TAPBPL: variants seen among roughly 807,000 people sequenced by gnomAD.
The protein encoded by TAPBPL is tapasin-related protein.
A neutral mutation model predicts 44.8 loss-of-function variants in TAPBPL; 32 were observed. The observed-to-expected ratio is 0.71, with a 90% CI of 0.54 to 0.96. TAPBPL has a LOEUF of 0.96. Ranked by LOEUF, TAPBPL falls within the 40% of genes least tolerant of loss-of-function variation. The pLI is 0.00. For missense variants in TAPBPL, 520 were observed against 586.6 expected (o/e 0.89, Z 1.17); for synonymous variants, 230 against 240.7 (o/e 0.96, Z 0.41).
intron 6 of TAPBPL, chr12:6,461,335 T>A: frequency 9.7e-7 from 1 of 1,031,430 alleles, no homozygotes; most frequent in South Asian, 3.3e-5. Context: ...CAGGAAGAAG[T>A]GAGGGGACAA....
downstream of TAPBPL, chr12:6,465,389 T>C (rs1290410206): frequency 4.4e-5 from 3 of 68,114 alleles, no homozygotes; most frequent in African/African-American, 1.0e-4. Context: ...TATATATGTA[T>C]ATATATATAT....
In TAPBPL at chr12:6,462,162, T is replaced by G. The variant is rs774935900; in HGVS notation, c.*13T>G. On this transcript the variant is annotated 3_prime_UTR_variant, in exon 7 of 7. Coordinates refer to ENST00000266556, the MANE Select transcript of TAPBPL (RefSeq NM_018009.5). ...CCAGCCCAGCTGACCTAAAGCGACA[T>G]GAGACTACTAGAAAGAAACGACACC... The G allele has an allele frequency of 6.3e-7, 1 of 1,597,942 alleles. No homozygotes were observed. The highest frequency in any genetic ancestry group is 1.7e-5 in the Admixed American group (1 of 58,098).
At chr12:6,458,509 CCCG>C in intron 4 of TAPBPL, 133 bp from the exon 5 acceptor site, 1 of 1,066,582 alleles carries the variant, frequency 9.4e-7, no homozygotes, top group African/African-American at 1.6e-5. Context: ...CTCACACACC[CCCG>C]CCTTGGTACA....
In TAPBPL at chr12:6,462,171, T is replaced by C. The variant is rs1949887076; in HGVS notation, c.*22T>C. On this transcript the variant is annotated 3_prime_UTR_variant, in exon 7 of 7. Transcript: ENST00000266556. Reference sequence around the variant, plus strand: ...CTGACCTAAAGCGACATGAGACTACTAGAAAGAAACGACACCCTTCCCCAA... The same window carrying C: ...CTGACCTAAAGCGACATGAGACTACCAGAAAGAAACGACACCCTTCCCCAA... 3 of 1,579,134 alleles carry C rather than the reference T, an allele frequency of 1.9e-6. No homozygotes were observed. The highest frequency in any genetic ancestry group is 2.6e-6 in the Non-Finnish European group (3 of 1,157,320).
chr12:6,459,181 A>C (rs545131641), intron 5 of TAPBPL, among the ~76,000 whole-genome samples: 1 of 152,338 alleles, frequency 6.6e-6, no homozygotes, highest in Admixed American at 6.5e-5. Flanking sequence ...AATGTGCTTA[A>C]GGCTGGAGAT....
chr12:6,462,167 C>A lies in TAPBPL; in HGVS notation c.*18C>A. ...CCAGCTGACCTAAAGCGACATGAGA[C>A]TACTAGAAAGAAACGACACCCTTCC... is the stretch of plus-strand genomic sequence containing the variant. On this transcript the variant is annotated 3_prime_UTR_variant, in exon 7 of 7. Transcript: ENST00000266556. The A allele has an allele frequency of 3.9e-6, 6 of 1,551,932 alleles. No individual in the cohort carries two copies. The highest frequency in any genetic ancestry group is 5.3e-6 in the Non-Finnish European group (6 of 1,131,164).
At chr12:6,463,973 A>G, downstream of TAPBPL, 2 of 1,290,598 alleles carry the variant, frequency 1.5e-6, no homozygotes, top group African/African-American at 3.0e-5. The surrounding 1 kb of genome is among the most constrained non-coding windows in gnomAD (Gnocchi z 4.0). Flanking sequence ...CACCCCCAGG[A>G]CCCTCTTCAG....
rs1417113757 is a variant in TAPBPL, at chr12:6,453,418, C to T, written c.296-29C>T. 1.9e-6 allele frequency: 3 copies of T among 1,612,278 alleles called. No individual in the cohort carries two copies. The highest frequency in any genetic ancestry group is 8.5e-7 in the Non-Finnish European group (1 of 1,178,950). On this transcript the variant is annotated intron_variant, in intron 2 of 6. Transcript: ENST00000266556. This position sits in a 1 kb window ranked among gnomAD's most constrained non-coding sequence, Gnocchi z 4.8. ...GCCCTGGTGTTCTCACGCTAATTTG[C>T]CCTCTGTGTGTGCCCTGCTTCTCCC... is the stretch of plus-strand genomic sequence containing the variant.
chr12:6,467,520 G>A (rs1386487626), downstream of TAPBPL, among the ~76,000 whole-genome samples: 2 of 152,148 alleles, frequency 1.3e-5, no homozygotes, highest in African/African-American at 4.8e-5. Context: ...TTGAACTTGA[G>A]AGAGATAATT....
chr12:6,462,111 CATG>C lies in TAPBPL; in HGVS notation c.1371_1373del (p.His457_Glu458delinsGln), dbSNP rs1188155218. On this transcript the variant is annotated inframe_deletion, in exon 7 of 7. Transcript: ENST00000266556. ...TGCTGACACACAGAGCTCCCATCTCCATGAAGACCGCACAGCGCGTGTAAGCCA... is the reference window on the plus strand; with the variant it reads ...TGCTGACACACAGAGCTCCCATCTCCAAGACCGCACAGCGCGTGTAAGCCA... The C allele has an allele frequency of 6.2e-7, 1 of 1,610,252 alleles. No individual in the cohort carries two copies. Among genetic ancestry groups the C allele is most frequent in the Non-Finnish European group, 8.5e-7 (1 of 1,177,668 alleles).
chr12:6,456,124 TA>T (rs1345925343), intron 3 of TAPBPL, among the ~76,000 whole-genome samples: 3 of 97,872 alleles, frequency 3.1e-5, no homozygotes, highest in African/African-American at 7.6e-5. Flanking sequence ...CTTGTCCCAA[TA>T]TTTTTTTTTT....
intron 5 of TAPBPL, 80 bp from the exon 6 acceptor site, chr12:6,460,774 CT>C (rs780233174): frequency 2.7e-4 from 378 of 1,387,652 alleles, no homozygotes; most frequent in Admixed American, 6.4e-4. Flanking sequence ...CTCCTCCTCC[CT>C]GGGGTGGACA....
chr12:6,454,462 C>A (rs1036215330), intron 3 of TAPBPL, among the ~76,000 whole-genome samples: 1 of 152,056 alleles, frequency 6.6e-6, no homozygotes, highest in Non-Finnish European at 1.5e-5. Context: ...AGTGAGACAC[C>A]GTCTCAAAAA....
chr12:6,457,244 G>A (rs1477608931), intron 3 of TAPBPL, among the ~76,000 whole-genome samples, 162 bp from the exon 4 acceptor site: 1 of 152,172 alleles, frequency 6.6e-6, no homozygotes, highest in Non-Finnish European at 1.5e-5. Context: ...TACCTTTCCA[G>A]AGCCCCATTT....
At position 6,460,957 on chromosome 12, in the gene TAPBPL, T is replaced by TGGCTCTGGCTC; in HGVS notation, c.1291+19_1291+20insGGCTCTGGCTC. ...CGGCAAGGTAAGAGCCTGGGTGCCCTTGGCTCTGGCCCTGGCCCACCTCAC... is the reference window on the plus strand; with the variant it reads ...CGGCAAGGTAAGAGCCTGGGTGCCCTGGCTCTGGCTCTGGCTCTGGCCCTGGCCCACCTCAC... On this transcript the variant is annotated intron_variant, in intron 6 of 6. Transcript: ENST00000266556. The TGGCTCTGGCTC allele has an allele frequency of 6.2e-7, 1 of 1,613,854 alleles. No individual in the cohort carries two copies. The highest frequency in any genetic ancestry group is 8.5e-7 in the Non-Finnish European group (1 of 1,179,832).
downstream of TAPBPL, chr12:6,464,750 G>A (rs540739007): frequency 4.8e-5 from 73 of 1,526,206 alleles, no homozygotes; most frequent in Middle Eastern, 1.1e-3. Context: ...CCCCCGTCCC[G>A]AACCAGGTGA....
downstream of TAPBPL, chr12:6,462,363 GA>G (rs1158222116): frequency 5.9e-6 from 3 of 512,278 alleles, no homozygotes; most frequent in Non-Finnish European, 1.0e-5. Context: ...TCAGGGTTAG[GA>G]AAAAAAGACA....
At chr12:6,466,317 C>T (rs142057207), downstream of TAPBPL, 1 of 1,613,980 alleles carries the variant, frequency 6.2e-7, no homozygotes, top group African/African-American at 1.3e-5. Context: ...GCAGTCCCTT[C>T]TGTCCCTTCA....
At chr12:6,468,054 G>A (rs1398667499), downstream of TAPBPL, among the ~76,000 whole-genome samples, 1 of 152,218 alleles carries the variant, frequency 6.6e-6, no homozygotes, top group Admixed American at 6.5e-5. Flanking sequence ...GTACAGAAGG[G>A]ACATGTGGGG....
Sources: gnomAD v4.1 joint callset for allele counts (sites outside exome capture counted in the v4.1 genomes callset) on GRCh38, gnomAD v4.1.1 for gene constraint, Gnocchi (gnomAD v3.1) non-coding constraint, MANE v1.5 for transcripts, NCBI Gene and HGNC (gene_info 2026-07-23, HGNC 2026-07-21) for gene names.